The following CBR4 variants were observed in gnomAD, a reference collection of about 807,000 sequenced individuals.
CBR4 encodes carbonyl reductase 4, also known as 3-oxoacyl-[acyl-carrier-protein] reductase.
In CBR4, 22 loss-of-function variants were observed where a neutral mutation model predicts 21.0. That is an observed-to-expected ratio of 1.05 (90% confidence interval 0.75 to 1.50). The LOEUF (loss-of-function observed/expected upper bound fraction) is 1.50, where lower values mean the gene tolerates loss of function less well. Ranked by LOEUF, CBR4 falls within the 40% of genes most tolerant of loss-of-function variation. The pLI, the probability that CBR4 is intolerant of heterozygous loss-of-function variation, is 0.00. For synonymous variants in CBR4, 100 were observed against 104.4 expected (o/e 0.96, Z 0.26); for missense variants, 302 against 286.3 (o/e 1.05, Z -0.40).
chr4:168,943,218 C>G (rs1038192289), intron 2 of CBR4, among the ~76,000 whole-genome samples: 1 of 152,196 alleles, frequency 6.6e-6, no homozygotes, highest in Admixed American at 6.5e-5. Flanking sequence ...CAACCCAATA[C>G]AAAGCCGCTG....
At chr4:169,006,627 A>T in intron 3 of CBR4, 128 bp downstream of exon 3, 2 of 888,280 alleles carry the variant, frequency 2.3e-6, no homozygotes, top group Non-Finnish European at 3.5e-6. Context: ...TCAATTAATT[A>T]AATCCTTTTT....
rs912495033 is a variant in CBR4 at position 168,926,144 on chromosome 4, T to C, written n.170-31379A>G. 17 of 1,268,432 alleles carry C rather than the reference T, an allele frequency of 1.3e-5. No individual in the cohort carries two copies. In the African/African-American group the frequency reaches 2.4e-4, roughly 18 times the overall value. 78.6% of individuals were successfully genotyped at this position (1,268,432 alleles called of 1,614,324 possible). A position where few individuals can be genotyped will look rare whatever the true frequency, so the allele number is the denominator to read the frequency against. On this transcript the variant is annotated intron_variant and non_coding_transcript_variant, in intron 2 of 3. Transcript: ENST00000509108. The stretch of plus-strand genomic sequence containing the variant: ...CATCTATCTAGACATTCTGTATTTA[T>C]TTGAAATATCTAAAGGCTTTCCAAG...
chr4:168,920,122 G>A (rs1462952125), intron 2 of CBR4, among the ~76,000 whole-genome samples: 1 of 152,178 alleles, frequency 6.6e-6, no homozygotes, highest in Non-Finnish European at 1.5e-5. Context: ...GACCAAAGAT[G>A]TCCACTCCCT....
At chr4:168,924,216 G>A in intron 2 of CBR4, 5 of 1,573,738 alleles carry the variant, frequency 3.2e-6, no homozygotes, top group Non-Finnish European at 3.5e-6. Flanking sequence ...TGCTCCTTTT[G>A]TATATCATTG....
chr4:168,925,032 G>A, intron 2 of CBR4: 1 of 1,614,108 alleles, frequency 6.2e-7, no homozygotes, highest in East Asian at 2.2e-5. Flanking sequence ...TGTCAGCCAA[G>A]AATGAAGCAG....
chr4:169,005,786 A>G (rs1374941975), intron 3 of CBR4: 2 of 809,064 alleles, frequency 2.5e-6, no homozygotes, highest in Non-Finnish European at 3.6e-6. Context: ...TTAGTTTATT[A>G]GCATAGTATT....
rs2151423801 is a variant in CBR4 at position 168,915,874 on chromosome 4, T to C, written n.170-21109A>G. ...ACTACTATCTATATTTCTATCTATC[T>C]GTCATCTTTCTTGTTTCAAGGCCTC... On this transcript the variant is annotated intron_variant and non_coding_transcript_variant, in intron 2 of 3. Transcript: ENST00000509108. 1.9e-6 allele frequency: 3 copies of C among 1,601,518 alleles called. No homozygotes were observed. The South Asian group carries it at 3.3e-5, about 18-fold the overall frequency.
At chr4:168,982,391 T>G (rs1320034236) in intron 2 of CBR4, among the ~76,000 whole-genome samples, 1 of 151,988 alleles carries the variant, frequency 6.6e-6, no homozygotes, top group Non-Finnish European at 1.5e-5. Context: ...ATATATGCAG[T>G]CAACATTGGA....
At chr4:168,909,080 G>A (rs1362771185) in intron 2 of CBR4, among the ~76,000 whole-genome samples, 4 of 152,300 alleles carry the variant, frequency 2.6e-5, no homozygotes, top group African/African-American at 7.2e-5. Flanking sequence ...GCAAAATAAT[G>A]AGTGACTGTG....
At chr4:168,980,686 A>G (rs920519632) in intron 2 of CBR4, among the ~76,000 whole-genome samples, 20 of 152,206 alleles carry the variant, frequency 1.3e-4, no homozygotes, top group African/African-American at 4.1e-4. Context: ...TGGTAAACTG[A>G]GATCATGCCA....
chr4:168,931,734 T>G (rs904061428), intron 2 of CBR4, among the ~76,000 whole-genome samples: 1 of 151,890 alleles, frequency 6.6e-6, no homozygotes, highest in African/African-American at 2.4e-5. Flanking sequence ...TGCCCCCAAT[T>G]TGAGAAACAA....
At chr4:169,005,570 T>TA (rs921113093) in intron 3 of CBR4, among the ~76,000 whole-genome samples, 7 of 151,942 alleles carry the variant, frequency 4.6e-5, no homozygotes, top group African/African-American at 1.7e-4. Flanking sequence ...TAAATACACC[T>TA]AAAAAAAAGA....
intron 2 of CBR4, among the ~76,000 whole-genome samples, chr4:168,910,220 C>CTTTTTTTT (rs70961563): frequency 2.6e-5 from 3 of 114,010 alleles, no homozygotes; most frequent in Non-Finnish European, 3.6e-5. Flanking sequence ...AACCTGTTTA[C>CTTTTTTTT]TTTTTTTTTT....
chr4:168,978,527 C>A (rs191231355), intron 2 of CBR4, among the ~76,000 whole-genome samples: 3 of 152,290 alleles, frequency 2.0e-5, no homozygotes, highest in South Asian at 2.1e-4. Flanking sequence ...GAGGCTCCCC[C>A]CTGCAGGAAA....
At chr4:169,003,381 T>C (rs1302721484) in intron 3 of CBR4, among the ~76,000 whole-genome samples, 1 of 152,208 alleles carries the variant, frequency 6.6e-6, no homozygotes, top group African/African-American at 2.4e-5. Context: ...GTGACTGAAT[T>C]GCTGCAATCT....
Position 168,921,628 on chromosome 4 carries a change from G to A in CBR4, n.170-26863C>T. On this transcript the variant is annotated intron_variant and non_coding_transcript_variant, in intron 2 of 3. Transcript: ENST00000509108. The stretch of plus-strand genomic sequence containing the variant: ...CACAAGATGCTGGTGCGTGAGAACG[G>A]GGTGCACTCTCTGATCATAGAGCCA... 8 of 1,610,982 alleles carry A rather than the reference G, an allele frequency of 5.0e-6. No individual in the cohort carries two copies. Among genetic ancestry groups the A allele is most frequent in the Non-Finnish European group, 6.8e-6 (8 of 1,179,592 alleles).
At position 168,924,272 on chromosome 4, in the gene CBR4, C is replaced by A. The variant is rs762353255; in HGVS notation, n.170-29507G>T. 5.6e-6 allele frequency: 9 copies of A among 1,613,740 alleles called. No homozygotes were observed. The highest frequency in any genetic ancestry group is 2.7e-5 in the African/African-American group (2 of 74,868). On this transcript the variant is annotated intron_variant and non_coding_transcript_variant, in intron 2 of 3. Transcript: ENST00000509108. ...TTTCTTAGCTAAAGAAGCACACAAA[C>A]CCCCTGTGTTTATTGAGAAGCTCCA...
At chr4:168,939,804 G>C (rs551745661) in intron 2 of CBR4, among the ~76,000 whole-genome samples, 1 of 152,292 alleles carries the variant, frequency 6.6e-6, no homozygotes, top group South Asian at 2.1e-4. Context: ...CAAACAGATG[G>C]AAAAACATTC....
intron 2 of CBR4, among the ~76,000 whole-genome samples, chr4:168,906,577 C>A (rs1015942965): frequency 6.6e-6 from 1 of 152,004 alleles, no homozygotes; most frequent in Non-Finnish European, 1.5e-5. Flanking sequence ...CACATTGTAC[C>A]CCACAAATAT....
Sources: allele counts gnomAD v4.1 joint callset (sites outside exome capture counted in the v4.1 genomes callset), GRCh38; gene constraint gnomAD v4.1.1; transcripts MANE v1.5; gene names NCBI Gene and HGNC (gene_info 2026-07-23, HGNC 2026-07-21).